The following VWA5A variants were observed in gnomAD, a reference collection of about 807,000 sequenced individuals.
VWA5A encodes the protein von Willebrand factor A domain containing 5A.
Under a neutral mutation model 84.6 loss-of-function variants are expected in VWA5A, and 77 were observed. That is an observed-to-expected ratio of 0.91 (90% CI 0.76 to 1.10). The LOEUF is 1.10. Ranked by LOEUF, VWA5A falls within the 50% of genes least tolerant of loss-of-function variation. VWA5A has a pLI of 0.00. For missense variants in VWA5A, 973 were observed against 963.0 expected, an observed-to-expected ratio of 1.01 and a Z score of -0.14; for synonymous variants, 334 against 350.1, an observed-to-expected ratio of 0.95 and a Z score of 0.51.
chr11:124,125,293 T>C (rs1464984208), intron 11 of VWA5A, among the ~76,000 whole-genome samples: 4 of 152,110 alleles, frequency 2.6e-5, no homozygotes, highest in Non-Finnish European at 5.9e-5. Flanking sequence ...GTTTTTTTTT[T>C]TTTTCTTGAG....
chr11:124,141,588 A>AT lies in VWA5A; in HGVS notation c.1880-4dup. On this transcript the variant is annotated splice_polypyrimidine_tract_variant and intron_variant, in intron 15 of 18. Coordinates refer to ENST00000456829, the MANE Select transcript of VWA5A (RefSeq NM_001130142.2). The stretch of plus-strand genomic sequence containing the variant: ...GGAGTGCCACTGTCTTAATGTTTGG[A>AT]TTTTTTCAGGTTTTCGAAAGGCCTT... The AT allele has an allele frequency of 6.2e-7, 1 of 1,613,648 alleles. No individual in the cohort carries two copies. The highest frequency in any genetic ancestry group is 8.5e-7 in the Non-Finnish European group (1 of 1,179,868).
At chr11:124,124,379 T>C in intron 11 of VWA5A, 63 bp downstream of exon 11, 2 of 1,573,062 alleles carry the variant, frequency 1.3e-6, no homozygotes, top group South Asian at 1.2e-5. Flanking sequence ...ACTCTAGTGC[T>C]ACATGATGCC....
At chr11:124,136,034 T>C in intron 12 of VWA5A, 95 bp from the exon 13 acceptor site, 1 of 1,377,336 alleles carries the variant, frequency 7.3e-7, no homozygotes, top group African/African-American at 1.4e-5. Context: ...TGACATGTAT[T>C]ATGTATCACA....
intron 15 of VWA5A, among the ~76,000 whole-genome samples, chr11:124,139,225 T>TTGTGTGTG (rs113893702): frequency 0.11 from 16,886 of 147,248 alleles, 1,134 homozygotes; most frequent in African/African-American, 0.19. Flanking sequence ...AGCATTTTGT[T>TTGTGTGTG]TGTGTGTGTG....
chr11:124,146,179 C>A lies in VWA5A; in HGVS notation c.*234C>A, dbSNP rs983964674. On this transcript the variant is annotated 3_prime_UTR_variant, in exon 19 of 19. Coordinates refer to ENST00000456829, the MANE Select transcript of VWA5A (RefSeq NM_001130142.2). ...AGTGGTCCCAGAACCTATTCCCTTT[C>A]TTGAGGGAGTTCAAAACATTCATAG... The A allele has an allele frequency of 5.2e-6, 2 of 386,830 alleles. No homozygotes were observed. Among genetic ancestry groups the A allele is most frequent in the Middle Eastern group, 7.5e-4 (1 of 1,336 alleles). The allele number at this position is 386,830 out of a possible 1,614,324, so 24.0% of individuals were successfully genotyped here.
At chr11:124,145,656 G>A (rs1295484949) in intron 18 of VWA5A, among the ~76,000 whole-genome samples, 1 of 152,188 alleles carries the variant, frequency 6.6e-6, no homozygotes, top group Admixed American at 6.5e-5. Flanking sequence ...ACTAGACTTG[G>A]TGCGTGTTCT....
At chr11:124,133,543 T>C (rs1171574318) in intron 11 of VWA5A, among the ~76,000 whole-genome samples, 2 of 152,216 alleles carry the variant, frequency 1.3e-5, no homozygotes, top group African/African-American at 4.8e-5. Flanking sequence ...ACAGCTTTCC[T>C]AGTTCTTTGC....
rs1255721179 is a variant in VWA5A at position 124,134,993 on chromosome 11, A to G, written c.1318A>G (p.Thr440Ala). 1.2e-6 allele frequency: 2 copies of G among 1,613,502 alleles called. No individual in the cohort carries two copies. Among genetic ancestry groups the G allele is most frequent in the African/African-American group, 1.3e-5 (1 of 74,892 alleles). The change falls in exon 12 of 19, where the codon ACC (threonine) becomes GCC (alanine). Residue 440 changes from threonine to alanine, a missense_variant. Thr to Ala is a moderately conservative substitution (Grantham distance 58). Transcript: ENST00000456829. ...AGGTATTGCCCGGGCATCAGGGGGC[A>G]CCTCAGAATTTATCACAGGCAAAGA... ...IKGIARASGG[T>A]SEFITGKDRM...
At chr11:124,130,080 G>A (rs1003503200) in intron 11 of VWA5A, among the ~76,000 whole-genome samples, 30 of 151,902 alleles carry the variant, frequency 2.0e-4, no homozygotes, top group Admixed American at 6.6e-4. Flanking sequence ...TTAGGGTGTC[G>A]ATTTTAGATC....
chr11:124,119,995 GA>G (rs771790579), intron 7 of VWA5A, among the ~76,000 whole-genome samples: 7 of 152,030 alleles, frequency 4.6e-5, no homozygotes, highest in Non-Finnish European at 1.0e-4. Context: ...AGTCTCAACT[GA>G]AGTTTTTTTC....
At chr11:124,127,643 G>A (rs190475477) in intron 11 of VWA5A, among the ~76,000 whole-genome samples, 2 of 152,188 alleles carry the variant, frequency 1.3e-5, no homozygotes, top group African/African-American at 4.8e-5. Flanking sequence ...CAGTGTAAAA[G>A]GTTTCCTATT....
At chr11:124,131,067 A>G (rs1022152554) in intron 11 of VWA5A, among the ~76,000 whole-genome samples, 2 of 152,000 alleles carry the variant, frequency 1.3e-5, no homozygotes, top group African/African-American at 2.4e-5. Flanking sequence ...CAATCTACCT[A>G]TAAGTAGTCC....
intron 5 of VWA5A, 48 bp downstream of exon 5, chr11:124,118,459 G>A (rs745404736): frequency 2.5e-6 from 4 of 1,611,112 alleles, no homozygotes; most frequent in South Asian, 1.1e-5. Context: ...ACATAAATGG[G>A]GAAATTTTCT....
intron 4 of VWA5A, 157 bp downstream of exon 4, chr11:124,118,032 A>G (rs542580841): frequency 7.7e-7 from 1 of 1,301,828 alleles, no homozygotes; most frequent in African/African-American, 1.5e-5. Context: ...CATTTTTCTA[A>G]AATCATTTGG....
intron 11 of VWA5A, among the ~76,000 whole-genome samples, chr11:124,127,879 A>T (rs998022229): frequency 6.6e-6 from 1 of 151,886 alleles, no homozygotes; most frequent in African/African-American, 2.4e-5. Flanking sequence ...TTTTCTTGTA[A>T]ATTTGTAAGT....
chr11:124,125,650 C>T (rs1303362096), intron 11 of VWA5A, among the ~76,000 whole-genome samples: 1 of 152,084 alleles, frequency 6.6e-6, no homozygotes, highest in African/African-American at 2.4e-5. Context: ...CATATTTACC[C>T]GCCAGTTGGA....
Position 124,126,197 on chromosome 11 carries a change from C to G in VWA5A, c.1244+1881C>G, listed in dbSNP as rs145860124. Among the ~76,000 whole-genome samples the G allele has an allele frequency of 2.3e-3, 349 of 152,210 alleles. 4 individuals are homozygous for G. Among genetic ancestry groups the G allele is most frequent in the Non-Finnish European group, 1.3e-3 (87 of 68,008 alleles). ...TCCTCAATTTTGTTCATTTCATAAC[C>G]AAGACTGTCTTGATTACACTTGACT... On this transcript the variant is annotated intron_variant, in intron 11 of 18. Coordinates refer to ENST00000456829, the MANE Select transcript of VWA5A (RefSeq NM_001130142.2).
At chr11:124,121,480 T>C (rs555534326) in intron 7 of VWA5A, among the ~76,000 whole-genome samples, 2 of 151,988 alleles carry the variant, frequency 1.3e-5, no homozygotes, top group Non-Finnish European at 2.9e-5. Context: ...TGAAATTATT[T>C]TGTGATTTTT....
chr11:124,123,554 G>A lies in VWA5A; in HGVS notation c.1019+100G>A, dbSNP rs1327686444. On this transcript the variant is annotated intron_variant, in intron 9 of 18. Coordinates refer to ENST00000456829, the MANE Select transcript of VWA5A (RefSeq NM_001130142.2). ...CTGCGGAGTTGACTTTGGCATTGGG[G>A]GTTTCGGATAAGACTCTCTTTTAAT... The A allele has an allele frequency of 5.6e-6, 9 of 1,607,070 alleles. No homozygotes were observed. In the East Asian group the frequency reaches 8.9e-5, roughly 16 times the overall value.
Sources: gnomAD v4.1 joint callset for allele counts (sites outside exome capture counted in the v4.1 genomes callset) on GRCh38, gnomAD v4.1.1 for gene constraint, MANE v1.5 for transcripts, NCBI Gene and HGNC (gene_info 2026-07-23, HGNC 2026-07-21) for gene names.